GALNT15: variants seen among roughly 807,000 people sequenced by gnomAD.
GALNT15 encodes UDP-GalNAc transferase T15.
GALNT15 carries 67 observed loss-of-function variants against 66.8 expected under a neutral mutation model. The ratio of observed to expected loss-of-function variants is 1.00; its 90% CI spans 0.82 to 1.23. The LOEUF is 1.23. Ranked by LOEUF, GALNT15 falls within the 50% of genes most tolerant of loss-of-function variation. The pLI is 0.00. For missense variants in GALNT15, 827 were observed against 804.3 expected, an observed-to-expected ratio of 1.03 and a Z score of -0.34; for synonymous variants, 313 against 311.5, an observed-to-expected ratio of 1.00 and a Z score of -0.05.
chr3:16,232,474 ATATATAT>A (rs1559698333), downstream of GALNT15, among the ~76,000 whole-genome samples: 294 of 51,752 alleles, frequency 5.7e-3, 6 homozygotes, highest in South Asian at 0.048. Flanking sequence ...AAATAAATAT[ATATATAT>A]ATATATATAT....
chr3:16,178,657 C>G (rs1303841923), intron 1 of GALNT15, among the ~76,000 whole-genome samples: 1 of 152,206 alleles, frequency 6.6e-6, no homozygotes, highest in African/African-American at 2.4e-5. Flanking sequence ...CCCTGCAAAG[C>G]AAGGCAAACG....
Position 16,188,683 on chromosome 3 carries a change from C to G in GALNT15, c.540-7077C>G, listed in dbSNP as rs1445652464. On this transcript the variant is annotated intron_variant, in intron 1 of 9. Transcript: ENST00000339732. This position sits in a 1 kb window ranked among gnomAD's most constrained non-coding sequence, Gnocchi z 4.6. ...TGTTGGCTGGACCTTAGCCAGCTTC[C>G]TAGGTTTCCAGTGGCTTCTCTGAAT... Among the ~76,000 whole-genome samples, 1 of 152,124 alleles carries G rather than the reference C, an allele frequency of 6.6e-6. No individual in the cohort carries two copies. The highest frequency in any genetic ancestry group is 2.4e-5 in the African/African-American group (1 of 41,440).
At position 16,201,266 on chromosome 3, in the gene GALNT15, G is replaced by C. The variant is rs111499584; in HGVS notation, c.911+443G>C. On this transcript the variant is annotated intron_variant, in intron 3 of 9. Coordinates refer to ENST00000339732, the MANE Select transcript of GALNT15 (RefSeq NM_054110.5). Reference sequence around the variant, plus strand: ...GGGCGATCTCGGCTCACTGCAAGCTGCGCCTCCCGGGTTCACGCCATTCTC... The same window carrying C: ...GGGCGATCTCGGCTCACTGCAAGCTCCGCCTCCCGGGTTCACGCCATTCTC... Among the ~76,000 whole-genome samples the C allele has an allele frequency of 9.7e-3, 1,476 of 152,034 alleles. 29 individuals are homozygous for C. Among genetic ancestry groups the C allele is most frequent in the African/African-American group, 0.032 (1,311 of 41,466 alleles).
chr3:16,205,836 CTTT>C (rs1431443650), intron 3 of GALNT15, among the ~76,000 whole-genome samples: 8 of 152,136 alleles, frequency 5.3e-5, no homozygotes, highest in Non-Finnish European at 1.2e-4. Flanking sequence ...ACATTTTATT[CTTT>C]ATCTCTATCC....
intron 3 of GALNT15, among the ~76,000 whole-genome samples, chr3:16,201,238 G>A (rs1277811487): frequency 6.6e-6 from 1 of 151,998 alleles, no homozygotes; most frequent in African/African-American, 2.4e-5. Flanking sequence ...CTGGAGTGCA[G>A]CGGGGCGATC....
At chr3:16,217,399 T>G (rs1183364907) in intron 6 of GALNT15, among the ~76,000 whole-genome samples, 1 of 152,250 alleles carries the variant, frequency 6.6e-6, no homozygotes, top group Non-Finnish European at 1.5e-5. Context: ...GCATTTCCAT[T>G]AATTCATGCT....
At chr3:16,231,741 A>C (rs2064083701), downstream of GALNT15, 1 of 1,394,244 alleles carries the variant, frequency 7.2e-7, no homozygotes, top group East Asian at 2.5e-5. The surrounding 1 kb of genome is among the most constrained non-coding windows in gnomAD (Gnocchi z 4.1). Flanking sequence ...ACAAATGCTA[A>C]AATGATACAG....
intron 3 of GALNT15, among the ~76,000 whole-genome samples, chr3:16,206,711 A>G (rs1345667704): frequency 2.0e-5 from 3 of 151,354 alleles, no homozygotes; most frequent in East Asian, 1.9e-4. Flanking sequence ...AAAGAAATAC[A>G]CAGCATAGAG....
Position 16,228,147 on chromosome 3 carries a change from A to G in GALNT15, c.*647A>G, listed in dbSNP as rs1183681511. On this transcript the variant is annotated 3_prime_UTR_variant, in exon 10 of 10. Coordinates refer to ENST00000339732, the MANE Select transcript of GALNT15 (RefSeq NM_054110.5). ...AAGAGATCTAGGAAAAGACATTTTCATGTTAATGAGAATTTCCACCATTGT... is the reference window on the plus strand; with the variant it reads ...AAGAGATCTAGGAAAAGACATTTTCGTGTTAATGAGAATTTCCACCATTGT... 1 of 985,866 alleles carries G rather than the reference A, an allele frequency of 1.0e-6. No homozygotes were observed. Among genetic ancestry groups the G allele is most frequent in the Non-Finnish European group, 1.2e-6 (1 of 830,032 alleles). The allele number at this position is 985,866 out of a possible 1,614,324, so 61.1% of individuals were successfully genotyped here. A position where few individuals can be genotyped will look rare whatever the true frequency, so the allele number is the denominator to read the frequency against.
chr3:16,232,728 T>A (rs1270041875), downstream of GALNT15, among the ~76,000 whole-genome samples: 5 of 151,314 alleles, frequency 3.3e-5, no homozygotes, highest in African/African-American at 9.7e-5. Flanking sequence ...CCTTGATAGA[T>A]CCCTGTCCCT....
rs1574987695 is a variant in GALNT15, at chr3:16,209,426, T to C, written c.1079+756T>C. Among the ~76,000 whole-genome samples, 2 of 152,336 alleles carry C rather than the reference T, an allele frequency of 1.3e-5. No individual in the cohort carries two copies. The highest frequency in any genetic ancestry group is 1.3e-4 in the Admixed American group (2 of 15,308). On this transcript the variant is annotated intron_variant, in intron 4 of 9. Transcript: ENST00000339732. The surrounding 1 kb of genome is among the most constrained non-coding windows in gnomAD (Gnocchi z 4.1). ...ACAGCCAGGCCCTTGAGACGACTGC[T>C]TCACTGCTATGCTATATTTTAAATA... is the stretch of plus-strand genomic sequence containing the variant.
In GALNT15 at chr3:16,209,359, A is replaced by T. The variant is rs544244597; in HGVS notation, c.1079+689A>T. Among the ~76,000 whole-genome samples, 5 of 152,326 alleles carry T rather than the reference A, an allele frequency of 3.3e-5. No homozygotes were observed. Among genetic ancestry groups the T allele is most frequent in the African/African-American group, 4.8e-5 (2 of 41,578 alleles). On this transcript the variant is annotated intron_variant, in intron 4 of 9. Transcript: ENST00000339732. This position sits in a 1 kb window ranked among gnomAD's most constrained non-coding sequence, Gnocchi z 4.1. ...ATAAGGATTTTTAAAGTTTCCCAACACTATAAAGCCAGTGAGAGGTGAATC... is the reference window on the plus strand; with the variant it reads ...ATAAGGATTTTTAAAGTTTCCCAACTCTATAAAGCCAGTGAGAGGTGAATC...
chr3:16,192,326 G>A (rs540259323), intron 1 of GALNT15, among the ~76,000 whole-genome samples: 36 of 152,302 alleles, frequency 2.4e-4, no homozygotes, highest in African/African-American at 8.7e-4. Context: ...CTCTCTTCTT[G>A]GAGCAGACAG....
rs998595019 is a variant in GALNT15, at chr3:16,189,731, G to A, written c.540-6029G>A. 9.2e-5 allele frequency among the ~76,000 whole-genome samples: 14 copies of A among 152,192 alleles called. 1 individual carries two copies. Among genetic ancestry groups the A allele is most frequent in the Admixed American group, 7.2e-4 (11 of 15,278 alleles). On this transcript the variant is annotated intron_variant, in intron 1 of 9. Coordinates refer to ENST00000339732, the MANE Select transcript of GALNT15 (RefSeq NM_054110.5). The surrounding 1 kb of genome is among the most constrained non-coding windows in gnomAD (Gnocchi z 5.1). ...GCTAGCATTTTGGGGCTCTTACTAT[G>A]CATAAGTACTTCAAATGTATTAGCT...
intron 1 of GALNT15, among the ~76,000 whole-genome samples, chr3:16,185,947 T>A (rs2063512784): frequency 1.3e-5 from 2 of 152,196 alleles, no homozygotes; most frequent in South Asian, 2.1e-4. Flanking sequence ...TAGTAGATTT[T>A]AAAAAATAGA....
chr3:16,216,200 A>C (rs2063874816), intron 6 of GALNT15, among the ~76,000 whole-genome samples: 1 of 152,192 alleles, frequency 6.6e-6, no homozygotes, highest in South Asian at 2.1e-4. Context: ...CCTTCTCAGA[A>C]GAAAGAATTC....
At chr3:16,233,359 T>C (rs920056836), downstream of GALNT15, among the ~76,000 whole-genome samples, 1 of 152,014 alleles carries the variant, frequency 6.6e-6, no homozygotes, top group Admixed American at 6.6e-5. Flanking sequence ...CCTCCCAAAG[T>C]GTTAGGATTA....
rs146245522 is a variant in GALNT15 at position 16,212,670 on chromosome 3, C to A, written c.1299C>A (p.Thr433=). ...ATTCCCCCCTCGACCAGGAGGCCACCCTGAGGAACAGGGTTCGCATTGCTG... is the reference window on the plus strand; with the variant it reads ...ATTCCCCCCTCGACCAGGAGGCCACACTGAGGAACAGGGTTCGCATTGCTG... ...DSHSPLDQEA[T]LRNRVRIAET... The change falls in exon 6 of 10, where the codon ACC becomes ACA. Residue 433 remains threonine, a synonymous_variant. Coordinates refer to ENST00000339732, the MANE Select transcript of GALNT15 (RefSeq NM_054110.5). The A allele has an allele frequency of 4.6e-5, 75 of 1,614,070 alleles. 1 individual carries two copies. In the Middle Eastern group the frequency reaches 1.5e-3, roughly 32 times the overall value.
At position 16,184,034 on chromosome 3, in the gene GALNT15, A is replaced by C. The variant is rs1311532989; in HGVS notation, c.539+8344A>C. Among the ~76,000 whole-genome samples the C allele has an allele frequency of 6.6e-6, 1 of 152,182 alleles. No individual in the cohort carries two copies. Among genetic ancestry groups the C allele is most frequent in the African/African-American group, 2.4e-5 (1 of 41,442 alleles). On this transcript the variant is annotated intron_variant, in intron 1 of 9. Transcript: ENST00000339732. This position sits in a 1 kb window ranked among gnomAD's most constrained non-coding sequence, Gnocchi z 5.0. ...AAGATTATCCCTTTCAATCCAGGAC[A>C]CACCCCTGGGCTGGAGAAAGGTATC...
Sources: allele counts gnomAD v4.1 joint callset (sites outside exome capture counted in the v4.1 genomes callset), GRCh38; gene constraint gnomAD v4.1.1; non-coding constraint Gnocchi (gnomAD v3.1); transcripts MANE v1.5; gene names NCBI Gene and HGNC (gene_info 2026-07-23, HGNC 2026-07-21).